Variants in DNAH17 observed in about 807,000 individuals in gnomAD.
DNAH17 encodes the protein dynein axonemal heavy chain 17, also known as axonemal beta dynein heavy chain 17.
DNAH17 carries 376 observed loss-of-function variants against 485.6 expected under a neutral mutation model. The observed-to-expected ratio is 0.77, with a 90% CI of 0.71 to 0.84. DNAH17 has a LOEUF of 0.84. Ranked by LOEUF, DNAH17 falls within the 40% of genes least tolerant of loss-of-function variation. The probability of loss-of-function intolerance (pLI) is 0.00; values close to 1 mark genes in which losing one functional copy is unlikely to be tolerated. For synonymous variants in DNAH17, 3,031 were observed against 2,405.9 expected, an observed-to-expected ratio of 1.26 and a Z score of -7.60; for missense variants, 6,370 against 5,839.3, an observed-to-expected ratio of 1.09 and a Z score of -2.96.
At chr17:78,428,949 T>C (rs2086579528) in intron 76 of DNAH17, among the ~76,000 whole-genome samples, 172 bp downstream of exon 76, 1 of 116,374 alleles carries the variant, frequency 8.6e-6, no homozygotes, top group Admixed American at 8.8e-5. Context: ...AAAAAAAAGG[T>C]TGTTTGTATT....
At chr17:78,494,338 T>C (rs551305954) in intron 40 of DNAH17, 165 bp from the exon 41 acceptor site, 3 of 1,143,474 alleles carry the variant, frequency 2.6e-6, no homozygotes, top group East Asian at 5.2e-5. Flanking sequence ...AGAGTTGACA[T>C]AGCTCCACCG....
chr17:78,574,906 ACC>A lies in DNAH17; in HGVS notation c.150_151del (p.Gln50HisfsTer75). 10 of 1,614,008 alleles carry A rather than the reference ACC, an allele frequency of 6.2e-6. No individual in the cohort carries two copies. The highest frequency in any genetic ancestry group is 8.5e-6 in the Non-Finnish European group (10 of 1,179,898). On this transcript the variant is annotated frameshift_variant, in exon 2 of 81. Transcript: ENST00000389840. LOFTEE classifies it high-confidence loss of function. Reference sequence around the variant, plus strand: ...GGCTGCATTGAGCGTCAGCACCAGCACCTGGACGTCGGGCTTTTCAAAGAACT... The same window carrying A: ...GGCTGCATTGAGCGTCAGCACCAGCATGGACGTCGGGCTTTTCAAAGAACT...
chr17:78,480,673 T>C lies in DNAH17; in HGVS notation c.7752+11A>G. On this transcript the variant is annotated intron_variant, in intron 49 of 80. Coordinates refer to ENST00000389840, the MANE Select transcript of DNAH17 (RefSeq NM_173628.4). ...TGGCAGGTGACGGGGATGAGTATGG[T>C]TTCTGCTTACCTGAAGCCTGGAGTC... 1.9e-6 allele frequency: 3 copies of C among 1,610,444 alleles called. No homozygotes were observed. Among genetic ancestry groups the C allele is most frequent in the Non-Finnish European group, 2.5e-6 (3 of 1,177,826 alleles).
At position 78,489,221 on chromosome 17, in the gene DNAH17, G is replaced by A. The variant is rs548471493; in HGVS notation, c.6818+1478C>T. Among the ~76,000 whole-genome samples the A allele has an allele frequency of 7.9e-5, 12 of 152,322 alleles. No homozygotes were observed. The East Asian group carries it at 2.1e-3, about 27-fold the overall frequency. On this transcript the variant is annotated intron_variant, in intron 44 of 80. Coordinates refer to ENST00000389840, the MANE Select transcript of DNAH17 (RefSeq NM_173628.4). The stretch of plus-strand genomic sequence containing the variant: ...AGCAGAGGGTCTCACTTCCCACGCA[G>A]AGAGCAAAGAAGTGCACCAGCATGA...
intron 2 of DNAH17, 123 bp from the exon 3 acceptor site, chr17:78,573,017 C>T (rs573789194): frequency 4.2e-5 from 34 of 812,324 alleles, no homozygotes; most frequent in South Asian, 3.1e-4. Context: ...AACTGGGTCC[C>T]GCACAGAGCC....
At chr17:78,473,849 G>C (rs531781765) in intron 54 of DNAH17, among the ~76,000 whole-genome samples, 1 of 152,174 alleles carries the variant, frequency 6.6e-6, no homozygotes, top group African/African-American at 2.4e-5. Context: ...ACGGCTCCAG[G>C]TTCAAATGAC....
In DNAH17 at chr17:78,501,907, G is replaced by A. The variant is rs144086984; in HGVS notation, c.5191-34C>T. The A allele has an allele frequency of 4.5e-3, 7,207 of 1,612,410 alleles. 20 individuals are homozygous for A. Among genetic ancestry groups the A allele is most frequent in the Non-Finnish European group, 5.1e-3 (6,069 of 1,179,022 alleles). ...GAGAGTGCCTTCGATGAGACACCACGGGTGCCCACATGCACTGGGGGGTCT... is the reference window on the plus strand; with the variant it reads ...GAGAGTGCCTTCGATGAGACACCACAGGTGCCCACATGCACTGGGGGGTCT... On this transcript the variant is annotated intron_variant, in intron 33 of 80. Transcript: ENST00000389840.
intron 24 of DNAH17, among the ~76,000 whole-genome samples, chr17:78,525,445 C>T (rs2091042916): frequency 6.6e-6 from 1 of 152,234 alleles, no homozygotes; most frequent in Non-Finnish European, 1.5e-5. Context: ...CTGAGAGTTT[C>T]TGATTTCCCA....
At position 78,479,643 on chromosome 17, in the gene DNAH17, A is replaced by G. The variant is rs2089261401; in HGVS notation, c.7753-11T>C. The stretch of plus-strand genomic sequence containing the variant: ...CACGCAGAAATGGCGCTACCCCAAA[A>G]CAACCAAACACTCCAGTCAGCCAGC... On this transcript the variant is annotated splice_polypyrimidine_tract_variant and intron_variant, in intron 49 of 80. Transcript: ENST00000389840. 6.2e-7 allele frequency: 1 copy of G among 1,611,916 alleles called. No individual in the cohort carries two copies. Among genetic ancestry groups the G allele is most frequent in the Non-Finnish European group, 8.5e-7 (1 of 1,179,620 alleles).
chr17:78,476,354 C>T (rs2089022022), intron 52 of DNAH17, among the ~76,000 whole-genome samples: 2 of 150,038 alleles, frequency 1.3e-5, no homozygotes, highest in Admixed American at 6.6e-5. Context: ...GGAGTTATCG[C>T]GTGGAACCCT....
Position 78,428,463 on chromosome 17 carries a change from C to T in DNAH17, c.12588+62G>A, listed in dbSNP as rs187735987. 70 of 1,541,410 alleles carry T rather than the reference C, an allele frequency of 4.5e-5. No homozygotes were observed. In the East Asian group the frequency reaches 1.6e-3, roughly 36 times the overall value. ...CTGTACTGCCGCCAGTCCCTGTGAC[C>T]CCCTCCTCAGTTCTAGATCCTCCCC... On this transcript the variant is annotated intron_variant, in intron 77 of 80. Transcript: ENST00000389840.
chr17:78,565,458 G>A (rs367803836), intron 11 of DNAH17, among the ~76,000 whole-genome samples: 9 of 152,318 alleles, frequency 5.9e-5, no homozygotes, highest in East Asian at 1.9e-4. Flanking sequence ...GACGTTTGTC[G>A]GGGAGAGATC....
chr17:78,570,843 C>T (rs375724865), intron 6 of DNAH17, 105 bp downstream of exon 6: 165 of 644,946 alleles, frequency 2.6e-4, no homozygotes, highest in Middle Eastern at 5.0e-4. Flanking sequence ...GGTGACAGAG[C>T]GAGACTCCCT....
In DNAH17 at chr17:78,571,812, T is replaced by G. The variant is rs774190228; in HGVS notation, c.540-30A>C. 2.6e-6 allele frequency: 4 copies of G among 1,543,738 alleles called. No homozygotes were observed. The South Asian group carries it at 5.1e-5, about 19-fold the overall frequency. ...CCAGTGGAAGGTTGGGGCATTGCTCTCATGGCGACACACACGTGGGTCCCA... is the reference window on the plus strand; with the variant it reads ...CCAGTGGAAGGTTGGGGCATTGCTCGCATGGCGACACACACGTGGGTCCCA... On this transcript the variant is annotated intron_variant, in intron 3 of 80. Coordinates refer to ENST00000389840, the MANE Select transcript of DNAH17 (RefSeq NM_173628.4).
At chr17:78,430,740 C>T (rs1176284435) in intron 75 of DNAH17, among the ~76,000 whole-genome samples, 1 of 152,036 alleles carries the variant, frequency 6.6e-6, no homozygotes, top group Non-Finnish European at 1.5e-5. Context: ...ACCACCATAG[C>T]CAGCTAATAT....
At chr17:78,429,074 C>A in intron 76 of DNAH17, 47 bp downstream of exon 76, 1 of 1,581,596 alleles carries the variant, frequency 6.3e-7, no homozygotes, top group Non-Finnish European at 8.7e-7. Flanking sequence ...CACCGGGAGG[C>A]ACGAGCCTTC....
At chr17:78,566,143 G>T (rs570572163) in intron 11 of DNAH17, among the ~76,000 whole-genome samples, 4 of 152,150 alleles carry the variant, frequency 2.6e-5, no homozygotes, top group African/African-American at 9.7e-5. Flanking sequence ...CTCCAGAACT[G>T]AGAGAAGTGA....
At chr17:78,510,674 T>A in intron 26 of DNAH17, 168 bp from the exon 27 acceptor site, 1 of 840,234 alleles carries the variant, frequency 1.2e-6, no homozygotes, top group Non-Finnish European at 1.8e-6. Context: ...CTTGAGGAAG[T>A]GACTTCTCCA....
chr17:78,570,961 G>T lies in DNAH17; in HGVS notation c.905C>A (p.Ala302Asp). 1.3e-6 allele frequency: 2 copies of T among 1,588,388 alleles called. No homozygotes were observed. Among genetic ancestry groups the T allele is most frequent in the African/African-American group, 1.3e-5 (1 of 74,424 alleles). ...TTGCCTGCGCACCATCGTGAAGTCG[G>T]CTTGTTCCATCTCCTCCAGCAGGAT... The part of the protein sequence containing the change: ...LRILLEEMEQ[A>D]DFTMLPTFIA... Residue 302 changes from alanine (A) to aspartate (D), a missense_variant, in exon 6 of 81, where the codon GCC becomes GAC. Ala to Asp is a moderately radical substitution (Grantham distance 126). Transcript: ENST00000389840.
Sources: allele counts gnomAD v4.1 joint callset (sites outside exome capture counted in the v4.1 genomes callset), GRCh38; gene constraint gnomAD v4.1.1; transcripts MANE v1.5; gene names NCBI Gene and HGNC (gene_info 2026-07-23, HGNC 2026-07-21).